ALKBH6: variants seen among roughly 807,000 people sequenced by gnomAD.
ALKBH6 encodes alkB homolog 6, nucleotide demethylase.
Under a neutral mutation model 25.1 loss-of-function variants are expected in ALKBH6, and 20 were observed. The ratio of observed to expected loss-of-function variants is 0.80; its 90% CI spans 0.56 to 1.16. The LOEUF (loss-of-function observed/expected upper bound fraction) is 1.16. ALKBH6 is among the 50% of genes most tolerant of loss of function. ALKBH6 has a pLI of 0.00. For synonymous variants in ALKBH6, 156 were observed against 147.5 expected, an observed-to-expected ratio of 1.06 and a Z score of -0.42; for missense variants, 263 against 326.5, an observed-to-expected ratio of 0.81 and a Z score of 1.50.
Position 36,009,392 on chromosome 19 carries a change from C to T in ALKBH6, c.615G>A (p.Pro205=), listed in dbSNP as rs773217671. The T allele has an allele frequency of 8.0e-7, 1 of 1,253,422 alleles. No individual in the cohort carries two copies. Among genetic ancestry groups the T allele is most frequent in the Non-Finnish European group, 1.0e-6 (1 of 1,000,368 alleles). 77.6% of individuals were successfully genotyped at this position (1,253,422 alleles called of 1,614,324 possible). The change falls in exon 7 of 7, where the codon CCG becomes CCA. Residue 205 remains proline (P), a synonymous_variant. Coordinates refer to ENST00000378875, the MANE Select transcript of ALKBH6 (RefSeq NM_032878.5). ...ASSPPNAAAC[P]SARPGACLVR... is the part of the protein sequence containing the mutation. ...CCAGGCAGGCTCCCGGCCGCGCCGA[C>T]GGGCAGGCTGCCGCATTGGGCGGCG... is the stretch of plus-strand genomic sequence containing the variant.
Position 36,013,883 on chromosome 19 carries a change from C to T in ALKBH6, c.-26+292G>A. 7.4e-7 allele frequency: 1 copy of T among 1,343,010 alleles called. No individual in the cohort carries two copies. The highest frequency in any genetic ancestry group is 1.5e-5 in the African/African-American group (1 of 65,482). 83.2% of individuals were successfully genotyped at this position (1,343,010 alleles called of 1,614,324 possible). A position where few individuals can be genotyped will look rare whatever the true frequency, so the allele number is the denominator to read the frequency against. ...CCCATTCTGTGCACTCCTGTGACCCCAATCTGAGCCTCCTCAGACATGTCC... is the reference window on the plus strand; with the variant it reads ...CCCATTCTGTGCACTCCTGTGACCCTAATCTGAGCCTCCTCAGACATGTCC... On this transcript the variant is annotated intron_variant, in intron 1 of 6. Transcript: ENST00000378875. The surrounding 1 kb of genome is among the most constrained non-coding windows in gnomAD (Gnocchi z 4.6).
In ALKBH6 at chr19:36,013,928, C is replaced by A; in HGVS notation, c.-26+247G>T. On this transcript the variant is annotated intron_variant, in intron 1 of 6. Coordinates refer to ENST00000378875, the MANE Select transcript of ALKBH6 (RefSeq NM_032878.5). This position sits in a 1 kb window ranked among gnomAD's most constrained non-coding sequence, Gnocchi z 4.6. ...ATGTCCACCCTCAGCCTCCTCGGAT[C>A]CCCCCATTTGGACGCCCCTCGGATT... 1 of 1,367,526 alleles carries A rather than the reference C, an allele frequency of 7.3e-7. No homozygotes were observed. Among genetic ancestry groups the A allele is most frequent in the Non-Finnish European group, 9.4e-7 (1 of 1,066,710 alleles). The allele number at this position is 1,367,526 out of a possible 1,614,324, so 84.7% of individuals were successfully genotyped here.
rs762094131 is a variant in ALKBH6, at chr19:36,010,888, G to A, written c.336+6C>T. ...GGGGGGACACGGGCCGAGGGTGTGT[G>A]GTTACCATGATGCCCTCCCCAGGCA... is the stretch of plus-strand genomic sequence containing the variant. On this transcript the variant is annotated splice_donor_region_variant and intron_variant, in intron 5 of 6. Coordinates refer to ENST00000378875, the MANE Select transcript of ALKBH6 (RefSeq NM_032878.5). The surrounding 1 kb of genome is among the most constrained non-coding windows in gnomAD (Gnocchi z 5.5). 6.2e-7 allele frequency: 1 copy of A among 1,613,732 alleles called. No homozygotes were observed. The highest frequency in any genetic ancestry group is 1.1e-5 in the South Asian group (1 of 91,066).
intron 4 of ALKBH6, 96 bp from the exon 5 acceptor site, chr19:36,011,141 G>C (rs1968600543): frequency 3.4e-6 from 5 of 1,487,612 alleles, no homozygotes; most frequent in Non-Finnish European, 4.5e-6. Context: ...TCCTCTCAGG[G>C]ACCCCTGACC....
Position 36,009,509 on chromosome 19 carries a change from C to G in ALKBH6, c.498G>C (p.Pro166=). The G allele has an allele frequency of 9.1e-7, 1 of 1,094,666 alleles. No individual in the cohort carries two copies. The highest frequency in any genetic ancestry group is 1.1e-6 in the Non-Finnish European group (1 of 901,554). 67.8% of individuals were successfully genotyped at this position (1,094,666 alleles called of 1,614,324 possible). A position where few individuals can be genotyped will look rare whatever the true frequency, so the allele number is the denominator to read the frequency against. ...GGCCGCGGAGCACCAGCAGGCTGCG[C>G]GGTTCCAGCAGTAGCGAGGTGGTGG... ...PRPTTSLLLE[P]RSLLVLRGPA... Residue 166 remains proline, a synonymous_variant, in exon 7 of 7, where the codon CCG becomes CCC. Coordinates refer to ENST00000378875, the MANE Select transcript of ALKBH6 (RefSeq NM_032878.5).
chr19:36,014,097 C>T, intron 1 of ALKBH6, 78 bp downstream of exon 1: 1 of 1,595,112 alleles, frequency 6.3e-7, no homozygotes, highest in Non-Finnish European at 8.5e-7. Context: ...CCTCGGACTC[C>T]TACTCTGGGC....
In ALKBH6 at chr19:36,014,204, AT is replaced by A; in HGVS notation, c.-56del. 1 of 1,611,798 alleles carries A rather than the reference AT, an allele frequency of 6.2e-7. No individual in the cohort carries two copies. Among genetic ancestry groups the A allele is most frequent in the South Asian group, 1.1e-5 (1 of 90,976 alleles). On this transcript the variant is annotated 5_prime_UTR_variant, in exon 1 of 7. Coordinates refer to ENST00000378875, the MANE Select transcript of ALKBH6 (RefSeq NM_032878.5). The stretch of plus-strand genomic sequence containing the variant: ...CACCAGCGTCCCCTCCAATTTCCAA[AT>A]TCAACATCCCCATCCCCCTCCCAGC...
chr19:36,011,072 GC>G (rs754956953), intron 4 of ALKBH6, 27 bp from the exon 5 acceptor site: 11 of 1,574,434 alleles, frequency 7.0e-6, no homozygotes, highest in African/African-American at 2.7e-5. Context: ...GGTCCTGAGG[GC>G]CCCCCTATAG....
intron 3 of ALKBH6, 84 bp downstream of exon 3, chr19:36,012,937 C>T (rs532842153): frequency 6.2e-5 from 86 of 1,384,342 alleles, no homozygotes; most frequent in Non-Finnish European, 7.8e-5. Context: ...TCACTGCAGC[C>T]TTGGGGGCTC....
Position 36,013,661 on chromosome 19 carries a change from A to G in ALKBH6, c.-25-239T>C. 1 of 1,365,732 alleles carries G rather than the reference A, an allele frequency of 7.3e-7. No homozygotes were observed. Among genetic ancestry groups the G allele is most frequent in the South Asian group, 1.6e-5 (1 of 63,286 alleles). 84.6% of individuals were successfully genotyped at this position (1,365,732 alleles called of 1,614,324 possible). On this transcript the variant is annotated intron_variant, in intron 1 of 6. Coordinates refer to ENST00000378875, the MANE Select transcript of ALKBH6 (RefSeq NM_032878.5). This position sits in a 1 kb window ranked among gnomAD's most constrained non-coding sequence, Gnocchi z 4.6. ...TACTCTGTCCACTAAGGGCCCATCC[A>G]ACTACACATATGCCTTCTCAATCCT... is the stretch of plus-strand genomic sequence containing the variant.
intron 4 of ALKBH6, 179 bp downstream of exon 4, chr19:36,011,225 C>A: frequency 1.8e-6 from 2 of 1,125,284 alleles, no homozygotes; most frequent in Non-Finnish European, 2.5e-6. Flanking sequence ...CAGATACTCC[C>A]AACTCATCAG....
At position 36,013,440 on chromosome 19, in the gene ALKBH6, C is replaced by G. The variant is rs746462674; in HGVS notation, c.-25-18G>C. 6.2e-7 allele frequency: 1 copy of G among 1,613,420 alleles called. No individual in the cohort carries two copies. Among genetic ancestry groups the G allele is most frequent in the Non-Finnish European group, 8.5e-7 (1 of 1,179,604 alleles). The stretch of plus-strand genomic sequence containing the variant: ...ACCCAATCCTGTAGGGAGGGGAGGA[C>G]ATACTGAAGTCACTAGGCCTCCCGC... On this transcript the variant is annotated intron_variant, in intron 1 of 6. Transcript: ENST00000378875. The surrounding 1 kb of genome is among the most constrained non-coding windows in gnomAD (Gnocchi z 4.6).
Position 36,013,743 on chromosome 19 carries a change from AC to A in ALKBH6, c.-25-322del. On this transcript the variant is annotated intron_variant, in intron 1 of 6. Transcript: ENST00000378875. This position sits in a 1 kb window ranked among gnomAD's most constrained non-coding sequence, Gnocchi z 4.6. ...AGGGAGCCTTTCTCAAAAGCTCTAC[AC>A]ATAGCCCCCAGGGCTGCACTCCAGA... The A allele has an allele frequency of 1.6e-6, 2 of 1,287,912 alleles. No homozygotes were observed. Among genetic ancestry groups the A allele is most frequent in the Non-Finnish European group, 2.0e-6 (2 of 1,012,880 alleles). The allele number at this position is 1,287,912 out of a possible 1,614,324, so 79.8% of individuals were successfully genotyped here.
In ALKBH6 at chr19:36,010,536, C is replaced by G; in HGVS notation, c.453+31G>C. Reference sequence around the variant, plus strand: ...AGGATGTGCGAGGTTGAAGTGCCTACAAGCAGCTGGGGCAGTGTCTGGGGG... The same window carrying G: ...AGGATGTGCGAGGTTGAAGTGCCTAGAAGCAGCTGGGGCAGTGTCTGGGGG... On this transcript the variant is annotated intron_variant, in intron 6 of 6. Coordinates refer to ENST00000378875, the MANE Select transcript of ALKBH6 (RefSeq NM_032878.5). The surrounding 1 kb of genome is among the most constrained non-coding windows in gnomAD (Gnocchi z 5.5). The G allele has an allele frequency of 3.8e-6, 6 of 1,588,604 alleles. No individual in the cohort carries two copies. Among genetic ancestry groups the G allele is most frequent in the Non-Finnish European group, 5.2e-6 (6 of 1,158,794 alleles).
chr19:36,009,679 A>C, intron 6 of ALKBH6, 126 bp from the exon 7 acceptor site: 2 of 648,030 alleles, frequency 3.1e-6, no homozygotes, highest in Non-Finnish European at 4.4e-6. Flanking sequence ...TGTGCTCACA[A>C]TGATGGAGGC....
chr19:36,013,105 C>T lies in ALKBH6; in HGVS notation c.55-16G>A. 1 of 1,611,424 alleles carries T rather than the reference C, an allele frequency of 6.2e-7. No homozygotes were observed. Among genetic ancestry groups the T allele is most frequent in the Non-Finnish European group, 8.5e-7 (1 of 1,177,672 alleles). On this transcript the variant is annotated splice_polypyrimidine_tract_variant and intron_variant, in intron 2 of 6. Transcript: ENST00000378875. This position sits in a 1 kb window ranked among gnomAD's most constrained non-coding sequence, Gnocchi z 4.6. ...CAGGTGGTGCCTAGGATAGAAAGAC[C>T]CCCTGAAGGTGTGGCCCTTCAACCC...
rs61742234 is a variant in ALKBH6, at chr19:36,010,578, G to C, written c.442C>G (p.Pro148Ala). 3,002 of 1,613,818 alleles carry C rather than the reference G, an allele frequency of 1.9e-3. 52 individuals carry two copies. In the African/African-American group the frequency reaches 0.036, roughly 19 times the overall value. Residue 148 changes from proline (P) to alanine (A), a missense_variant, in exon 6 of 7, where the codon CCT (proline) becomes GCT (alanine). Pro to Ala is a conservative substitution (Grantham distance 27, BLOSUM62 -1). Transcript: ENST00000378875. This position sits in a 1 kb window ranked among gnomAD's most constrained non-coding sequence, Gnocchi z 5.5. The part of the protein sequence containing the change: ...YEPRRPEDDD[P>A]TEQPRPPPRP... The stretch of plus-strand genomic sequence containing the variant: ...GTCTGGGGGCCCACCTGTTCTGTAG[G>C]GTCATCGTCCTCTGGCCGCCGCGGC...
chr19:36,012,919 CG>C (rs1968652334), intron 3 of ALKBH6, 101 bp downstream of exon 3: 2 of 1,127,814 alleles, frequency 1.8e-6, no homozygotes, highest in Admixed American at 3.4e-5. Flanking sequence ...TTCCTTCTGT[CG>C]GGGTCTTCAC....
intron 4 of ALKBH6, 23 bp downstream of exon 4, chr19:36,011,381 T>C (rs986999903): frequency 6.2e-7 from 1 of 1,610,704 alleles, no homozygotes; most frequent in African/African-American, 1.3e-5. Flanking sequence ...GAATCACTCC[T>C]GCCCCCAGCC....
Sources: gnomAD v4.1 joint callset for allele counts on GRCh38, gnomAD v4.1.1 for gene constraint, Gnocchi (gnomAD v3.1) non-coding constraint, MANE v1.5 for transcripts, NCBI Gene and HGNC (gene_info 2026-07-23, HGNC 2026-07-21) for gene names.